MYCBP2: variants seen among roughly 807,000 people sequenced by gnomAD.
The protein encoded by MYCBP2 is E3 ubiquitin-protein ligase MYCBP2.
In MYCBP2, 120 loss-of-function variants were observed where a neutral mutation model predicts 525.3. The ratio of observed to expected loss-of-function variants is 0.23; its 90% confidence interval spans 0.20 to 0.27. The LOEUF (loss-of-function observed/expected upper bound fraction) is 0.27. Ranked by LOEUF, MYCBP2 falls within the 10% of genes least tolerant of loss-of-function variation. The pLI is 1.00. For missense variants in MYCBP2, 4,149 were observed against 5,657.1 expected, an observed-to-expected ratio of 0.73 and a Z score of 8.55; for synonymous variants, 1,894 against 1,955.8, an observed-to-expected ratio of 0.97 and a Z score of 0.83.
At chr13:77,163,393 G>A (rs928016633) in intron 43 of MYCBP2, among the ~76,000 whole-genome samples, 2 of 151,870 alleles carry the variant, frequency 1.3e-5, no homozygotes, top group Admixed American at 6.6e-5. Context: ...GGACCAGGAA[G>A]AGAAAAGGGA....
At chr13:77,176,439 T>A in intron 36 of MYCBP2, 58 bp downstream of exon 36, 3 of 1,423,874 alleles carry the variant, frequency 2.1e-6, no homozygotes, top group Non-Finnish European at 2.8e-6. Context: ...TACTCTTCAC[T>A]ATTTTAACTA....
intron 7 of MYCBP2, among the ~76,000 whole-genome samples, chr13:77,268,796 T>C (rs924653949): frequency 1.4e-4 from 21 of 151,592 alleles, no homozygotes; most frequent in African/African-American, 4.6e-4. Flanking sequence ...AAAAAAAAAA[T>C]TTAATTTCAA....
chr13:77,220,383 A>T (rs1329976831), intron 20 of MYCBP2, among the ~76,000 whole-genome samples: 1 of 152,160 alleles, frequency 6.6e-6, no homozygotes, highest in Non-Finnish European at 1.5e-5. Context: ...ACACAAGAAG[A>T]TTAAGTAACC....
intron 70 of MYCBP2, 21 bp downstream of exon 70, chr13:77,068,544 G>A (rs373116953): frequency 6.2e-7 from 1 of 1,608,738 alleles, no homozygotes; most frequent in African/African-American, 1.3e-5. Context: ...GCAATGGAAA[G>A]GCTGTAGTGT....
intron 46 of MYCBP2, among the ~76,000 whole-genome samples, chr13:77,153,800 A>G (rs2056856306): frequency 6.6e-6 from 1 of 151,856 alleles, no homozygotes; most frequent in South Asian, 2.1e-4. Context: ...GAAATGTCCT[A>G]TGTACCCTTC....
At chr13:77,186,120 A>C in intron 30 of MYCBP2, 57 bp from the exon 31 acceptor site, 1 of 1,260,194 alleles carries the variant, frequency 7.9e-7, no homozygotes, top group South Asian at 2.0e-5. Flanking sequence ...CCATAAACGG[A>C]ATCAAATGGA....
At chr13:77,323,948 T>C (rs2081993373) in intron 1 of MYCBP2, among the ~76,000 whole-genome samples, 1 of 152,110 alleles carries the variant, frequency 6.6e-6, no homozygotes, top group African/African-American at 2.4e-5. Context: ...GTCCCTGAGA[T>C]CCCTTTGACC....
At chr13:77,159,721 G>T (rs532070439) in intron 44 of MYCBP2, among the ~76,000 whole-genome samples, 4 of 152,018 alleles carry the variant, frequency 2.6e-5, no homozygotes, top group African/African-American at 7.3e-5. Flanking sequence ...TGCCATGATT[G>T]TAAGTTTCCT....
chr13:77,051,972 G>A (rs2036906475), intron 80 of MYCBP2, 54 bp from the exon 81 acceptor site: 1 of 1,348,332 alleles, frequency 7.4e-7, no homozygotes, highest in African/African-American at 1.4e-5. Flanking sequence ...CTCTGGCATG[G>A]GAGATACAGT....
intron 52 of MYCBP2, among the ~76,000 whole-genome samples, 168 bp from the exon 53 acceptor site, chr13:77,126,710 C>T (rs1371434267): frequency 6.6e-6 from 1 of 152,064 alleles, no homozygotes; most frequent in Non-Finnish European, 1.5e-5. Context: ...TAAAGAATCT[C>T]AGTTTTTCAA....
intron 3 of MYCBP2, among the ~76,000 whole-genome samples, chr13:77,284,576 C>A (rs537236829): frequency 1.2e-4 from 18 of 152,284 alleles, no homozygotes; most frequent in African/African-American, 4.3e-4. Flanking sequence ...ATCACTTCTT[C>A]CTCTCTTTAC....
rs895797692 is a variant in MYCBP2, at chr13:77,058,719, G to A, written c.13141-313C>T. 1.3e-5 allele frequency among the ~76,000 whole-genome samples: 2 copies of A among 152,094 alleles called. No homozygotes were observed. Among genetic ancestry groups the A allele is most frequent in the African/African-American group, 4.8e-5 (2 of 41,392 alleles). On this transcript the variant is annotated intron_variant, in intron 77 of 82. Transcript: ENST00000544440. This position sits in a 1 kb window ranked among gnomAD's most constrained non-coding sequence, Gnocchi z 4.1. Reference sequence around the variant, plus strand: ...AAAAAGTTCCTGGCTGGGAGTCGTGGCTTACACCTGTAATCCCAGCACTTT... The same window carrying A: ...AAAAAGTTCCTGGCTGGGAGTCGTGACTTACACCTGTAATCCCAGCACTTT...
At chr13:77,224,791 T>C (rs1446057033) in intron 19 of MYCBP2, among the ~76,000 whole-genome samples, 4 of 152,180 alleles carry the variant, frequency 2.6e-5, no homozygotes, top group Non-Finnish European at 5.9e-5. Flanking sequence ...CATTAATTCT[T>C]ATTAACACAC....
At chr13:77,059,750 A>G in intron 76 of MYCBP2, 124 bp from the exon 77 acceptor site, 1 of 636,936 alleles carries the variant, frequency 1.6e-6, no homozygotes, top group Non-Finnish European at 2.8e-6. Context: ...TCAGCCTGAC[A>G]GTTTTAGAAC....
chr13:77,205,853 C>T (rs900687434), intron 24 of MYCBP2, among the ~76,000 whole-genome samples: 2 of 152,100 alleles, frequency 1.3e-5, no homozygotes, highest in African/African-American at 4.8e-5. Flanking sequence ...AATCACTTAA[C>T]CTTTGAATTC....
At chr13:77,237,312 C>G (rs1437465580) in intron 17 of MYCBP2, among the ~76,000 whole-genome samples, 1 of 151,966 alleles carries the variant, frequency 6.6e-6, no homozygotes, top group Non-Finnish European at 1.5e-5. Flanking sequence ...CAGAATACTA[C>G]TTTTGTAAAT....
At chr13:77,070,761 A>G (rs765510514) in intron 68 of MYCBP2, 50 bp from the exon 69 acceptor site, 5 of 1,247,452 alleles carry the variant, frequency 4.0e-6, no homozygotes, top group Non-Finnish European at 5.6e-6. Context: ...GGTCTCTTTA[A>G]ATAAAATTTG....
At position 77,098,246 on chromosome 13, in the gene MYCBP2, T is replaced by G. The variant is rs755897241; in HGVS notation, c.8908A>C (p.Ser2970Arg). Reference sequence around the variant, plus strand: ...TCTTTCAGTGGTGCTTTTCCAATGCTAAAATGAACTTTATTTGAACCTTCA... The same window carrying G: ...TCTTTCAGTGGTGCTTTTCCAATGCGAAAATGAACTTTATTTGAACCTTCA... ...VDEGSNKVHFSIGKAPLKDEQ... is the reference protein window; with the variant it reads ...VDEGSNKVHFRIGKAPLKDEQ... The change falls in exon 56 of 83, where the codon AGC (serine) becomes CGC (arginine). Residue 2970 changes from serine (S) to arginine (R), a missense_variant. Ser to Arg is a moderately radical substitution (Grantham distance 110, BLOSUM62 -1). Around this residue, in one of 21 missense-constraint regions of MYCBP2, gnomAD observed 653 missense variants for 744.7 expected, o/e 0.88. Transcript: ENST00000544440. 1 of 1,613,318 alleles carries G rather than the reference T, an allele frequency of 6.2e-7. No individual in the cohort carries two copies. The highest frequency in any genetic ancestry group is 1.7e-5 in the Admixed American group (1 of 59,962).
At chr13:77,115,928 T>C (rs1048864131) in intron 55 of MYCBP2, among the ~76,000 whole-genome samples, 25 of 151,692 alleles carry the variant, frequency 1.6e-4, no homozygotes, top group Non-Finnish European at 8.9e-5. Flanking sequence ...CTAGTTTAAA[T>C]ATAAATTAAA....
Sources: allele counts gnomAD v4.1 joint callset (sites outside exome capture counted in the v4.1 genomes callset), GRCh38; gene constraint gnomAD v4.1.1; regional missense constraint gnomAD v4.1.1; non-coding constraint Gnocchi (gnomAD v3.1); transcripts MANE v1.5; gene names NCBI Gene and HGNC (gene_info 2026-07-23, HGNC 2026-07-21).